GPC5: variants seen among roughly 807,000 people sequenced by gnomAD.
The protein encoded by GPC5 is glypican-5.
In GPC5, 47 loss-of-function variants were observed where a neutral mutation model predicts 53.9. The ratio of observed to expected loss-of-function variants is 0.87; its 90% CI spans 0.69 to 1.11. The LOEUF (loss-of-function observed/expected upper bound fraction) is 1.11. GPC5 is among the 50% of genes most tolerant of loss of function. The pLI, the probability that GPC5 is intolerant of heterozygous loss-of-function variation, is 0.00. For synonymous variants in GPC5, 286 were observed against 263.3 expected (o/e 1.09, Z -0.84); for missense variants, 748 against 713.1 (o/e 1.05, Z -0.56).
chr13:91,643,275 C>T (rs113897558), intron 2 of GPC5, among the ~76,000 whole-genome samples: 29 of 152,210 alleles, frequency 1.9e-4, no homozygotes, highest in African/African-American at 6.3e-4. Context: ...AAATCAATTG[C>T]ATTTCCATTG....
At chr13:91,662,009 C>A (rs1340284759) in intron 2 of GPC5, among the ~76,000 whole-genome samples, 21 of 152,092 alleles carry the variant, frequency 1.4e-4, no homozygotes, top group Admixed American at 1.4e-3. Context: ...AGAGTTCAGA[C>A]AAGAGATCTA....
At chr13:92,522,818 C>T (rs1229247641) in intron 7 of GPC5, among the ~76,000 whole-genome samples, 2 of 152,016 alleles carry the variant, frequency 1.3e-5, no homozygotes, top group African/African-American at 4.8e-5. Flanking sequence ...CACATCTCAA[C>T]TTATTTGCTA....
intron 2 of GPC5, among the ~76,000 whole-genome samples, chr13:91,491,972 A>G (rs1396884187): frequency 2.0e-5 from 3 of 152,208 alleles, no homozygotes; most frequent in Non-Finnish European, 4.4e-5. Flanking sequence ...CACATAGCTC[A>G]TTCATGCTTT....
intron 7 of GPC5, among the ~76,000 whole-genome samples, chr13:92,610,258 A>G (rs1884392513): frequency 6.6e-6 from 1 of 152,142 alleles, no homozygotes; most frequent in Non-Finnish European, 1.5e-5. Context: ...AAATAGGAAT[A>G]TTTTATTTTA....
At chr13:92,478,894 G>A (rs989383557) in intron 7 of GPC5, among the ~76,000 whole-genome samples, 5 of 151,978 alleles carry the variant, frequency 3.3e-5, no homozygotes, top group South Asian at 2.1e-4. Context: ...TTTGTCCTAC[G>A]AAAGAGTAGC....
intron 6 of GPC5, among the ~76,000 whole-genome samples, chr13:92,138,181 G>C (rs1386990471): frequency 1.3e-5 from 2 of 152,128 alleles, no homozygotes; most frequent in South Asian, 2.1e-4. Flanking sequence ...AAAGTATGTG[G>C]CAGGAGTGTG....
chr13:92,141,430 C>T (rs2041829770), intron 6 of GPC5, among the ~76,000 whole-genome samples: 1 of 152,104 alleles, frequency 6.6e-6, no homozygotes, highest in Non-Finnish European at 1.5e-5. Context: ...GGTAAATAAA[C>T]TGAAAAGGTT....
chr13:91,847,568 T>C (rs2038866380), intron 5 of GPC5, among the ~76,000 whole-genome samples: 1 of 152,186 alleles, frequency 6.6e-6, no homozygotes, highest in Non-Finnish European at 1.5e-5. Context: ...GATGTAATCT[T>C]TCTACTTTGG....
intron 5 of GPC5, among the ~76,000 whole-genome samples, chr13:91,793,089 A>G (rs1352447512): frequency 6.6e-6 from 1 of 152,072 alleles, no homozygotes; most frequent in African/African-American, 2.4e-5. Context: ...CATACCCAAG[A>G]TTGGGTAATT....
intron 6 of GPC5, among the ~76,000 whole-genome samples, chr13:92,035,121 A>G (rs2040882117): frequency 6.6e-6 from 1 of 150,922 alleles, no homozygotes; most frequent in African/African-American, 2.4e-5. Context: ...AGGCTGAGGC[A>G]GGAGAATGGC....
intron 2 of GPC5, among the ~76,000 whole-genome samples, chr13:91,512,635 G>T (rs1392432218): frequency 2.6e-5 from 4 of 152,146 alleles, no homozygotes; most frequent in Non-Finnish European, 5.9e-5. Flanking sequence ...CTTGGTAGAG[G>T]TCTCTTGGCT....
At position 92,480,331 on chromosome 13, in the gene GPC5, T is replaced by A. The variant is rs75362972; in HGVS notation, c.1561+335342T>A. The stretch of plus-strand genomic sequence containing the variant: ...ACAGCTCACATAAAGTGCAGTATAA[T>A]GTGCAGGGAAAAAAAGTAAAAAGCT... On this transcript the variant is annotated intron_variant, in intron 7 of 7. Transcript: ENST00000377067. Among the ~76,000 whole-genome samples the A allele has an allele frequency of 3.2e-3, 490 of 152,216 alleles. 1 individual carries two copies. Among genetic ancestry groups the A allele is most frequent in the African/African-American group, 0.011 (472 of 41,528 alleles).
At chr13:91,584,332 T>C (rs2032480972) in intron 2 of GPC5, among the ~76,000 whole-genome samples, 4 of 152,128 alleles carry the variant, frequency 2.6e-5, no homozygotes, top group African/African-American at 9.7e-5. Flanking sequence ...CATATGAAAA[T>C]TTGATTTAAG....
intron 7 of GPC5, among the ~76,000 whole-genome samples, chr13:92,278,678 TATGGTGC>T (rs1481411467): frequency 6.6e-6 from 1 of 152,088 alleles, no homozygotes; most frequent in Non-Finnish European, 1.5e-5. Flanking sequence ...TCATTTAGGC[TATGGTGC>T]ATTTTGAGTT....
intron 7 of GPC5, among the ~76,000 whole-genome samples, chr13:92,755,013 T>C (rs1051180969): frequency 2.0e-5 from 3 of 152,044 alleles, no homozygotes; most frequent in African/African-American, 7.2e-5. Context: ...CCACCCCAAA[T>C]CAACAGAATA....
At chr13:92,633,491 A>AC (rs1438744855) in intron 7 of GPC5, among the ~76,000 whole-genome samples, 10 of 152,082 alleles carry the variant, frequency 6.6e-5, no homozygotes, top group Non-Finnish European at 1.2e-4. Context: ...GTATATAAAA[A>AC]CCTGCTCACT....
At chr13:91,400,416 G>A (rs1335657808) in intron 1 of GPC5, among the ~76,000 whole-genome samples, 1 of 152,128 alleles carries the variant, frequency 6.6e-6, no homozygotes, top group Non-Finnish European at 1.5e-5. Context: ...ATACCTGTTT[G>A]GTACTAGGTG....
At chr13:91,775,797 C>T (rs9560853) in intron 5 of GPC5, among the ~76,000 whole-genome samples, 7,368 of 152,216 alleles carry the variant, frequency 0.048, 363 homozygotes, top group East Asian at 0.22. Context: ...TACTAGATTA[C>T]TCCATGAGTG....
chr13:92,566,133 T>C (rs957766362), intron 7 of GPC5, among the ~76,000 whole-genome samples: 10 of 152,058 alleles, frequency 6.6e-5, no homozygotes, highest in Admixed American at 1.3e-4. Context: ...TGATAATCTG[T>C]TAGAGGCCAT....
Sources: gnomAD v4.1 joint callset for allele counts (sites outside exome capture counted in the v4.1 genomes callset) on GRCh38, gnomAD v4.1.1 for gene constraint, MANE v1.5 for transcripts, NCBI Gene and HGNC (gene_info 2026-07-23, HGNC 2026-07-21) for gene names.